Variants in PTK2 observed in about 807,000 individuals in gnomAD.
The protein encoded by PTK2 is focal adhesion kinase 1.
A neutral mutation model predicts 150.1 loss-of-function variants in PTK2; 45 were observed. The observed-to-expected ratio is 0.30, with a 90% CI of 0.24 to 0.38. The LOEUF is 0.38. Ranked by LOEUF, PTK2 falls within the 10% of genes least tolerant of loss-of-function variation. The pLI is 1.00. For missense variants in PTK2, 919 were observed against 1,307.3 expected (o/e 0.70, Z 4.58); for synonymous variants, 432 against 449.2 (o/e 0.96, Z 0.48).
chr8:140,959,642 C>T (rs2100182411), intron 1 of PTK2, among the ~76,000 whole-genome samples: 1 of 150,818 alleles, frequency 6.6e-6, no homozygotes, highest in Admixed American at 6.6e-5. Context: ...TTTTGATTTT[C>T]AAAAAGATAT....
chr8:140,919,132 G>C (rs1353379962), intron 2 of PTK2, among the ~76,000 whole-genome samples: 6 of 152,142 alleles, frequency 3.9e-5, no homozygotes, highest in African/African-American at 1.2e-4. Context: ...TGAACAACTG[G>C]AAAGCAAAAC....
In PTK2 at chr8:140,793,393, A is replaced by T; in HGVS notation, c.1094-9T>A. 1.9e-6 allele frequency: 3 copies of T among 1,608,676 alleles called. No individual in the cohort carries two copies. The highest frequency in any genetic ancestry group is 2.5e-6 in the Non-Finnish European group (3 of 1,178,466). On this transcript the variant is annotated splice_polypyrimidine_tract_variant and intron_variant, in intron 12 of 31. Transcript: ENST00000522684. The stretch of plus-strand genomic sequence containing the variant: ...CAAAGCCCGTTCACCTTCTGCGGGG[A>T]AAAAGAAAAGAGATGCATAAGGCTC...
At chr8:140,982,494 G>T (rs2100191797) in intron 1 of PTK2, among the ~76,000 whole-genome samples, 1 of 152,184 alleles carries the variant, frequency 6.6e-6, no homozygotes, top group Non-Finnish European at 1.5e-5. Context: ...CTACTCAGGA[G>T]ACTGAGGCAG....
At chr8:140,855,376 A>G in intron 5 of PTK2, among the ~76,000 whole-genome samples, 1 of 152,078 alleles carries the variant, frequency 6.6e-6, no homozygotes, top group South Asian at 2.1e-4. Flanking sequence ...CGGGTGGATC[A>G]CGAGGTCAGG....
Position 140,740,321 on chromosome 8 carries a change from G to A in PTK2, c.1736-1214C>T, listed in dbSNP as rs73369962. 4.2e-3 allele frequency among the ~76,000 whole-genome samples: 638 copies of A among 152,318 alleles called. 9 individuals are homozygous for A. The highest frequency in any genetic ancestry group is 0.015 in the African/African-American group (608 of 41,574). On this transcript the variant is annotated intron_variant, in intron 20 of 31. Transcript: ENST00000522684. Reference sequence around the variant, plus strand: ...GAACTAATGACTGAGAGGATGACCAGGGAAGGCTGCAGGGAGAGGATATAA... The same window carrying A: ...GAACTAATGACTGAGAGGATGACCAAGGAAGGCTGCAGGGAGAGGATATAA...
chr8:140,722,459 A>T (rs1334096325), intron 22 of PTK2, among the ~76,000 whole-genome samples: 1 of 151,530 alleles, frequency 6.6e-6, no homozygotes, highest in East Asian at 1.9e-4. Context: ...AATAAATAAA[A>T]ATCTCACTGT....
chr8:140,850,478 C>G lies in PTK2; in HGVS notation c.451-3800G>C, dbSNP rs546550611. Among the ~76,000 whole-genome samples, 38 of 151,362 alleles carry G rather than the reference C, an allele frequency of 2.5e-4. No homozygotes were observed. The South Asian group carries it at 7.8e-3, about 31-fold the overall frequency. ...CGGTGGCTTATGTCTGTAATCCCAG[C>G]ACTCTGGGAGGCCAAGGCGGGTAGA... is the stretch of plus-strand genomic sequence containing the variant. On this transcript the variant is annotated intron_variant, in intron 5 of 31. Coordinates refer to ENST00000522684, the Ensembl canonical transcript of PTK2.
At chr8:140,897,424 C>T (rs2100156753) in intron 2 of PTK2, among the ~76,000 whole-genome samples, 1 of 152,034 alleles carries the variant, frequency 6.6e-6, no homozygotes, top group South Asian at 2.1e-4. Flanking sequence ...ATCTGCTTGT[C>T]AAAATCTGAT....
intron 22 of PTK2, among the ~76,000 whole-genome samples, chr8:140,726,425 C>T (rs2100045836): frequency 6.6e-6 from 1 of 152,112 alleles, no homozygotes; most frequent in African/African-American, 2.4e-5. Context: ...AAATCCTAAA[C>T]ACAACTGACA....
intron 23 of PTK2, among the ~76,000 whole-genome samples, chr8:140,715,161 T>C (rs1205327795): frequency 3.7e-5 from 2 of 54,120 alleles, no homozygotes; most frequent in East Asian, 7.1e-4. Flanking sequence ...AACCGTTTTT[T>C]TTTTTTTTTT....
intron 28 of PTK2, 147 bp downstream of exon 31, chr8:140,675,313 T>C (rs2100012996): frequency 2.4e-6 from 2 of 816,876 alleles, no homozygotes; most frequent in South Asian, 3.3e-5. Flanking sequence ...AGTAATGAGC[T>C]GAATGTGGTA....
At chr8:140,977,326 A>G (rs1227669110) in intron 1 of PTK2, among the ~76,000 whole-genome samples, 1 of 152,148 alleles carries the variant, frequency 6.6e-6, no homozygotes, top group Non-Finnish European at 1.5e-5. Context: ...CTGGGAGGTC[A>G]AGACTGCAGT....
At chr8:140,734,688 CAG>C in intron 22 of PTK2, 1 of 511,242 alleles carries the variant, frequency 2.0e-6, no homozygotes, top group Non-Finnish European at 3.9e-6. Flanking sequence ...AATATAAAAA[CAG>C]AAGTATTCAA....
chr8:140,793,408 G>T (rs1477074860), intron 12 of PTK2, 24 bp from the exon 13 acceptor site: 7 of 1,607,792 alleles, frequency 4.4e-6, no homozygotes, highest in Non-Finnish European at 5.9e-6. Flanking sequence ...GAAAAGAGAT[G>T]CATAAGGCTC....
At chr8:140,775,607 G>A (rs2154563187) in intron 14 of PTK2, among the ~76,000 whole-genome samples, 1 of 152,100 alleles carries the variant, frequency 6.6e-6, no homozygotes, top group East Asian at 1.9e-4. Flanking sequence ...CCTCCCTGAA[G>A]TGCTGGGACT....
At chr8:140,712,205 A>C (rs1022309990) in intron 23 of PTK2, among the ~76,000 whole-genome samples, 3 of 152,128 alleles carry the variant, frequency 2.0e-5, no homozygotes, top group Non-Finnish European at 4.4e-5. Context: ...TAAAAAAAAA[A>C]AACCTACTTT....
chr8:140,748,727 T>C (rs915286728), intron 17 of PTK2, among the ~76,000 whole-genome samples: 1 of 152,134 alleles, frequency 6.6e-6, no homozygotes, highest in African/African-American at 2.4e-5. Flanking sequence ...TGTGTGAACA[T>C]GTATGTTAAG....
chr8:140,829,100 T>C (rs1001674329), intron 8 of PTK2, among the ~76,000 whole-genome samples: 7 of 152,198 alleles, frequency 4.6e-5, no homozygotes, highest in African/African-American at 1.4e-4. Flanking sequence ...GAAACTTGAA[T>C]GAACACTGAA....
At chr8:140,821,635 C>G (rs1477328397) in intron 8 of PTK2, 2 of 152,180 alleles carry the variant, frequency 1.3e-5, no homozygotes, top group East Asian at 3.8e-4. Flanking sequence ...TCAGAGCCAC[C>G]AGCTGAAGTA....
Sources: allele counts gnomAD v4.1 joint callset (sites outside exome capture counted in the v4.1 genomes callset), GRCh38; gene constraint gnomAD v4.1.1; transcripts MANE v1.5; gene names NCBI Gene and HGNC (gene_info 2026-07-23, HGNC 2026-07-21).